KLF8: variants seen among roughly 807,000 people sequenced by gnomAD.
The protein encoded by KLF8 is Krueppel-like factor 8.
KLF8 carries 10 observed loss-of-function variants against 18.2 expected under a neutral mutation model. The ratio of observed to expected loss-of-function variants is 0.55; its 90% CI spans 0.34 to 0.93. The LOEUF is 0.93. Among genes scored for constraint, KLF8 ranks in the 40% least tolerant of loss-of-function variants. KLF8 has a pLI of 0.02. For missense variants in KLF8, 264 were observed against 277.9 expected (o/e 0.95, Z 0.36); for synonymous variants, 109 against 97.3 (o/e 1.12, Z -0.71).
At chrX:56,138,220 A>G in the KLF8 span, among the ~76,000 whole-genome samples, 3 of 111,056 alleles carry the variant, frequency 2.7e-5, no homozygotes, top group African/African-American at 9.8e-5. Context: ...GCCTTGGGCC[A>G]GATGAAATCA....
the KLF8 span, among the ~76,000 whole-genome samples, chrX:56,141,793 T>G: frequency 8.9e-6 from 1 of 111,843 alleles, no homozygotes; most frequent in African/African-American, 3.2e-5. Context: ...TATATGGTGA[T>G]GCCTTCACTA....
chrX:55,981,782 G>T, the KLF8 span, among the ~76,000 whole-genome samples: 1 of 111,428 alleles, frequency 9.0e-6, no homozygotes, highest in Non-Finnish European at 1.9e-5. Context: ...TGCACAGGCC[G>T]AACAATGACA....
chrX:55,937,617 A>T, the KLF8 span, among the ~76,000 whole-genome samples: 1 of 111,899 alleles, frequency 8.9e-6, no homozygotes, highest in Non-Finnish European at 1.9e-5. Flanking sequence ...AAGAAGTTAA[A>T]AACCTTGAAA....
At chrX:56,022,279 G>C in the KLF8 span, among the ~76,000 whole-genome samples, 1 of 110,760 alleles carries the variant, frequency 9.0e-6, no homozygotes, top group Non-Finnish European at 1.9e-5. Flanking sequence ...AGGCATGGTG[G>C]CTCATGCCTG....
the KLF8 span, among the ~76,000 whole-genome samples, chrX:55,950,538 C>T: frequency 9.0e-6 from 1 of 111,494 alleles, no homozygotes; most frequent in Non-Finnish European, 1.9e-5. Context: ...GAACTTAAAT[C>T]ATTGGGGGCT....
the KLF8 span, among the ~76,000 whole-genome samples, chrX:56,131,449 C>T: frequency 9.0e-6 from 1 of 111,451 alleles, no homozygotes; most frequent in Non-Finnish European, 1.9e-5. Context: ...TGAGAGAATT[C>T]ACCACTACTA....
chrX:56,034,447 C>G, the KLF8 span, among the ~76,000 whole-genome samples: 1 of 111,400 alleles, frequency 9.0e-6, no homozygotes, highest in Non-Finnish European at 1.9e-5. Context: ...TCAGATAGTG[C>G]CTCCAGCTTT....
chrX:56,146,570 G>A, the KLF8 span, among the ~76,000 whole-genome samples: 3 of 110,612 alleles, frequency 2.7e-5, no homozygotes, highest in African/African-American at 9.9e-5. Flanking sequence ...CTGGATGTGG[G>A]GGGATTAGGG....
At chrX:56,085,233 A>G in the KLF8 span, among the ~76,000 whole-genome samples, 1 of 111,449 alleles carries the variant, frequency 9.0e-6, no homozygotes, top group Non-Finnish European at 1.9e-5. Context: ...TTCTCCAGAG[A>G]AACAAAACCA....
the KLF8 span, chrX:55,961,545 G>C: frequency 1.8e-6 from 1 of 542,369 alleles, no homozygotes; most frequent in Non-Finnish European, 3.4e-6. Context: ...AACTAGCCCT[G>C]GGTGAGAATA....
the KLF8 span, among the ~76,000 whole-genome samples, chrX:56,074,963 AT>A: frequency 9.0e-6 from 1 of 110,818 alleles, no homozygotes; most frequent in Non-Finnish European, 1.9e-5. Flanking sequence ...ATAATTTTTA[AT>A]TTTTATGGGT....
At chrX:55,969,661 T>G in the KLF8 span, among the ~76,000 whole-genome samples, 1 of 111,410 alleles carries the variant, frequency 9.0e-6, no homozygotes, top group East Asian at 2.8e-4. Context: ...AGTTGTGGTT[T>G]TTTAAAAGAT....
the KLF8 span, among the ~76,000 whole-genome samples, chrX:56,134,229 A>T: frequency 1.8e-5 from 2 of 111,692 alleles, no homozygotes; most frequent in Non-Finnish European, 3.8e-5. Context: ...AAGCAAAAGA[A>T]AAAATCTGGA....
At chrX:55,967,873 G>T in the KLF8 span, among the ~76,000 whole-genome samples, 1 of 111,535 alleles carries the variant, frequency 9.0e-6, no homozygotes, top group Non-Finnish European at 1.9e-5. Context: ...TTAAAAGTGG[G>T]GAGATGAAGT....
the KLF8 span, among the ~76,000 whole-genome samples, chrX:55,910,582 G>A: frequency 9.0e-6 from 1 of 111,656 alleles, no homozygotes; most frequent in Non-Finnish European, 1.9e-5. Context: ...GGAAGAGTGC[G>A]GGATATAAGG....
the KLF8 span, among the ~76,000 whole-genome samples, chrX:55,937,893 T>C: frequency 9.8e-5 from 11 of 111,960 alleles, no homozygotes; most frequent in African/African-American, 3.6e-4. Flanking sequence ...CAAATCTACA[T>C]CTGACTGGTG....
At chrX:56,100,907 C>A in the KLF8 span, among the ~76,000 whole-genome samples, 1 of 111,693 alleles carries the variant, frequency 9.0e-6, no homozygotes, top group Admixed American at 9.5e-5. Context: ...GTGTGCGGTG[C>A]AATGATTTTT....
At chrX:56,178,609 A>T in the KLF8 span, among the ~76,000 whole-genome samples, 173 of 112,159 alleles carry the variant, frequency 1.5e-3, 2 homozygotes, top group Non-Finnish European at 3.0e-3. Flanking sequence ...GGGTTTTTAT[A>T]GTTTTAGTTC....
At chrX:56,246,728 A>G (rs1408581112) in intron 1 of KLF8, among the ~76,000 whole-genome samples, 1 of 111,818 alleles carries the variant, frequency 8.9e-6, no homozygotes, top group African/African-American at 3.3e-5. Context: ...CAGGAGAATT[A>G]TTATAGCTGA....
Sources: gnomAD v4.1 joint callset for allele counts (sites outside exome capture counted in the v4.1 genomes callset) on GRCh38, gnomAD v4.1.1 for gene constraint, MANE v1.5 for transcripts, NCBI Gene and HGNC (gene_info 2026-07-23, HGNC 2026-07-21) for gene names.